Variants in IQSEC3 observed in about 807,000 individuals in gnomAD.
IQSEC3 encodes IQ motif and SEC7 domain-containing protein 3.
A neutral mutation model predicts 105.4 loss-of-function variants in IQSEC3; 50 were observed. The ratio of observed to expected loss-of-function variants is 0.47; its 90% CI spans 0.38 to 0.60. The LOEUF is 0.60. IQSEC3 is among the 20% of genes least tolerant of loss of function. The pLI is 0.00. For missense variants in IQSEC3, 1,415 were observed against 1,630.0 expected (o/e 0.87, Z 2.27); for synonymous variants, 708 against 746.0 (o/e 0.95, Z 0.83).
intron 5 of IQSEC3, among the ~76,000 whole-genome samples, chr12:145,042 C>T (rs565968819): frequency 1.3e-5 from 2 of 152,324 alleles, no homozygotes; most frequent in African/African-American, 4.8e-5. Context: ...CTGTGTTGCC[C>T]AGCTGGTCTC....
chr12:106,897 G>C (rs920600112), intron 2 of IQSEC3: 4 of 150,566 alleles, frequency 2.7e-5, no homozygotes, highest in South Asian at 2.1e-4. Flanking sequence ...TGACAAAAAG[G>C]GTTTTTAATT....
rs534854967 is a variant in IQSEC3 at position 112,865 on chromosome 12, G to GTT, written c.624-12761_624-12760dup. Among the ~76,000 whole-genome samples the GTT allele has an allele frequency of 3.6e-3, 547 of 151,848 alleles. 5 individuals carry two copies. Among genetic ancestry groups the GTT allele is most frequent in the Middle Eastern group, 0.021 (6 of 292 alleles). ...GAAGCCCTCTGTAGGCCTGTGCACTGTTTTTTTTCCTACATTTCACTTATT... is the reference window on the plus strand; with the variant it reads ...GAAGCCCTCTGTAGGCCTGTGCACTGTTTTTTTTTTCCTACATTTCACTTATT... On this transcript the variant is annotated intron_variant, in intron 2 of 13. Coordinates refer to ENST00000538872, the MANE Select transcript of IQSEC3 (RefSeq NM_001170738.2).
At chr12:131,947 G>C (rs1865615313) in intron 3 of IQSEC3, among the ~76,000 whole-genome samples, 1 of 152,200 alleles carries the variant, frequency 6.6e-6, no homozygotes, top group Admixed American at 6.5e-5. Flanking sequence ...GTGCTGGACA[G>C]GATGACTAAG....
In IQSEC3 at chr12:161,924, A is replaced by G; in HGVS notation, c.2444-2A>G. ...CCACCCCTGCCCACTCCACGTTGTT[A>G]GGTGTGGACGATGGCGCTGACATCC... On this transcript the variant is annotated splice_acceptor_variant, in intron 7 of 13. Coordinates refer to ENST00000538872, the MANE Select transcript of IQSEC3 (RefSeq NM_001170738.2). LOFTEE classifies it high-confidence loss of function. 1.3e-6 allele frequency: 2 copies of G among 1,523,518 alleles called. No individual in the cohort carries two copies. Among genetic ancestry groups the G allele is most frequent in the Non-Finnish European group, 1.8e-6 (2 of 1,125,730 alleles). 94.4% of individuals were successfully genotyped at this position (1,523,518 alleles called of 1,614,324 possible). A position where few individuals can be genotyped will look rare whatever the true frequency, so the allele number is the denominator to read the frequency against.
At chr12:166,025 A>G in intron 11 of IQSEC3, 135 bp downstream of exon 11, 1 of 925,488 alleles carries the variant, frequency 1.1e-6, no homozygotes, top group Admixed American at 2.8e-5. Flanking sequence ...GCCCCACCGC[A>G]CCACACTCCC....
chr12:171,202 C>A, intron 13 of IQSEC3, 41 bp downstream of exon 13: 1 of 1,613,568 alleles, frequency 6.2e-7, no homozygotes, highest in Non-Finnish European at 8.5e-7. Flanking sequence ...GACTACCCTG[C>A]CCCCTTGTTC....
chr12:91,814 G>A (rs57009089), intron 1 of IQSEC3, among the ~76,000 whole-genome samples: 5,233 of 152,080 alleles, frequency 0.034, 261 homozygotes, highest in African/African-American at 0.11. Context: ...AAGAAGCAGG[G>A]TTCTTTCCTG....
chr12:158,436 A>C (rs1367417600), intron 7 of IQSEC3, among the ~76,000 whole-genome samples: 6 of 152,028 alleles, frequency 3.9e-5, no homozygotes, highest in African/African-American at 1.4e-4. Flanking sequence ...GTAAGCCTGA[A>C]GTTTGATGAA....
At chr12:92,961 C>G (rs1309088125) in intron 1 of IQSEC3, among the ~76,000 whole-genome samples, 1 of 152,200 alleles carries the variant, frequency 6.6e-6, no homozygotes, top group African/African-American at 2.4e-5. Context: ...TTCTTTCTGT[C>G]ATTTTCACAG....
chr12:94,070 A>G (rs2136908555), intron 1 of IQSEC3, among the ~76,000 whole-genome samples: 1 of 152,328 alleles, frequency 6.6e-6, no homozygotes, highest in Admixed American at 6.5e-5. Context: ...CTTTTATAGC[A>G]ACACAGACAG....
Position 174,916 on chromosome 12 carries a change from C to G in IQSEC3, c.3432C>G (p.Thr1144=), listed in dbSNP as rs1247971481. Residue 1144 remains threonine, a synonymous_variant, in exon 14 of 14, where the codon ACC becomes ACG. Transcript: ENST00000538872. ...LGGPGSPVKV[T]HQPPLPPPPP... ...GTCCCGGCTCTCCGGTCAAGGTCAC[C>G]CACCAGCCTCCGCTGCCCCCGCCCC... 6 of 1,550,508 alleles carry G rather than the reference C, an allele frequency of 3.9e-6. No homozygotes were observed. The highest frequency in any genetic ancestry group is 5.2e-6 in the Non-Finnish European group (6 of 1,155,662).
intron 5 of IQSEC3, chr12:148,794 G>A (rs1015755160): frequency 5.3e-5 from 8 of 152,088 alleles, no homozygotes; most frequent in African/African-American, 1.9e-4. Context: ...CCTGAAACCT[G>A]GGCTTAGTCT....
intron 5 of IQSEC3, chr12:148,642 G>A (rs1285909229): frequency 6.6e-6 from 1 of 152,148 alleles, no homozygotes; most frequent in Non-Finnish European, 1.5e-5. Context: ...CCTTTGTTGA[G>A]CATGTTATGA....
chr12:172,701 G>A (rs1004493577), intron 13 of IQSEC3, among the ~76,000 whole-genome samples: 2 of 152,240 alleles, frequency 1.3e-5, no homozygotes, highest in Admixed American at 1.3e-4. Context: ...CTGACCTGCT[G>A]CTCATGTTCC....
chr12:70,355 G>A (rs1331416138), intron 1 of IQSEC3, among the ~76,000 whole-genome samples: 1 of 152,260 alleles, frequency 6.6e-6, no homozygotes, highest in Non-Finnish European at 1.5e-5. Context: ...TCAGCTGAGG[G>A]AGACACAAAG....
At chr12:151,026 G>A (rs1866489634) in intron 5 of IQSEC3, among the ~76,000 whole-genome samples, 1 of 141,024 alleles carries the variant, frequency 7.1e-6, no homozygotes, top group Non-Finnish European at 1.5e-5. Context: ...GTGCTCCTGA[G>A]ATGATTCAGT....
chr12:127,499 G>A (rs1555083849), intron 3 of IQSEC3, among the ~76,000 whole-genome samples: 1 of 152,010 alleles, frequency 6.6e-6, no homozygotes, highest in Non-Finnish European at 1.5e-5. Flanking sequence ...CTGGGCGACA[G>A]AGTGAGACTC....
At chr12:84,850 CTG>C (rs1228134333) in intron 1 of IQSEC3, among the ~76,000 whole-genome samples, 1 of 152,152 alleles carries the variant, frequency 6.6e-6, no homozygotes, top group South Asian at 2.1e-4. Context: ...AAGAGTCTGA[CTG>C]TGCTATGAAG....
At chr12:98,560 T>G (rs1864313106) in intron 1 of IQSEC3, among the ~76,000 whole-genome samples, 1 of 152,216 alleles carries the variant, frequency 6.6e-6, no homozygotes, top group Admixed American at 6.5e-5. Flanking sequence ...ACTGTAGAGC[T>G]GGGACTAGAA....
Sources: gnomAD v4.1 joint callset for allele counts (sites outside exome capture counted in the v4.1 genomes callset) on GRCh38, gnomAD v4.1.1 for gene constraint, MANE v1.5 for transcripts, NCBI Gene and HGNC (gene_info 2026-07-23, HGNC 2026-07-21) for gene names.